Variants in HMBOX1 observed in about 807,000 individuals in gnomAD.
HMBOX1 encodes homeobox containing 1, also known as homeobox-containing protein 1.
In HMBOX1, 14 loss-of-function variants were observed where a neutral mutation model predicts 54.5. That is an observed-to-expected ratio of 0.26 (90% CI 0.17 to 0.40). HMBOX1 has a LOEUF of 0.40. Among genes scored for constraint, HMBOX1 ranks in the 10% least tolerant of loss-of-function variants. The pLI is 1.00. For synonymous variants in HMBOX1, 160 were observed against 181.0 expected (o/e 0.88, Z 0.93); for missense variants, 332 against 514.4 (o/e 0.65, Z 3.43).
At chr8:28,972,725 G>A (rs957228615) in intron 3 of HMBOX1, among the ~76,000 whole-genome samples, 1 of 152,256 alleles carries the variant, frequency 6.6e-6, no homozygotes. Flanking sequence ...GTTAGTAAAA[G>A]TCTCTAGAAG....
intron 1 of HMBOX1, among the ~76,000 whole-genome samples, chr8:28,914,191 C>A (rs1438775417): frequency 2.0e-5 from 3 of 151,902 alleles, no homozygotes; most frequent in Non-Finnish European, 4.4e-5. Flanking sequence ...AAAGAGATAG[C>A]CTCCTTGTAT....
At chr8:28,922,494 T>C (rs1194150130) in intron 1 of HMBOX1, among the ~76,000 whole-genome samples, 3 of 152,220 alleles carry the variant, frequency 2.0e-5, no homozygotes, top group African/African-American at 7.2e-5. Flanking sequence ...ATCAAATCTG[T>C]GCTTTGAGAA....
intron 3 of HMBOX1, among the ~76,000 whole-genome samples, chr8:28,979,243 T>G (rs1261631125): frequency 6.6e-6 from 1 of 152,194 alleles, no homozygotes; most frequent in African/African-American, 2.4e-5. Flanking sequence ...TAACTATAAT[T>G]TTTGTTTATT....
intron 6 of HMBOX1, among the ~76,000 whole-genome samples, chr8:29,040,575 A>G (rs1804667623): frequency 6.6e-6 from 1 of 152,216 alleles, no homozygotes; most frequent in Admixed American, 6.5e-5. Flanking sequence ...AGTTGTGCTA[A>G]CAGTCCTTTG....
intron 4 of HMBOX1, among the ~76,000 whole-genome samples, chr8:29,005,413 A>G (rs1478654190): frequency 6.6e-6 from 1 of 152,210 alleles, no homozygotes; most frequent in Non-Finnish European, 1.5e-5. Context: ...TTAGTTATAT[A>G]TTAGCTGTTG....
rs1187320710 is a variant in HMBOX1 at position 28,982,937 on chromosome 8, G to GT, written c.586+2782dup. Among the ~76,000 whole-genome samples, 4 of 152,142 alleles carry GT rather than the reference G, an allele frequency of 2.6e-5. No homozygotes were observed. In the East Asian group the frequency reaches 7.7e-4, roughly 29 times the overall value. The stretch of plus-strand genomic sequence containing the variant: ...CTGTGCCCAGCCTATCTTCTACTTT[G>GT]TGTAGAGATGAGGTTTCACCATGTT... On this transcript the variant is annotated intron_variant, in intron 4 of 9. Transcript: ENST00000287701.
intron 1 of HMBOX1, among the ~76,000 whole-genome samples, chr8:28,932,936 G>A (rs937818915): frequency 3.3e-5 from 5 of 152,118 alleles, no homozygotes; most frequent in African/African-American, 1.2e-4. Context: ...TTCTTTACAT[G>A]GTGATCTCTG....
At chr8:28,978,618 C>T (rs949101816) in intron 3 of HMBOX1, among the ~76,000 whole-genome samples, 1 of 152,010 alleles carries the variant, frequency 6.6e-6, no homozygotes, top group Non-Finnish European at 1.5e-5. Flanking sequence ...GAAACCCCGA[C>T]TCTACTAAAA....
At chr8:28,913,589 T>C (rs1411391879) in intron 1 of HMBOX1, among the ~76,000 whole-genome samples, 1 of 152,182 alleles carries the variant, frequency 6.6e-6, no homozygotes, top group Non-Finnish European at 1.5e-5. Flanking sequence ...TTACAACTTA[T>C]TGTAATTATT....
intron 3 of HMBOX1, among the ~76,000 whole-genome samples, chr8:28,974,578 C>G (rs62502805): frequency 5.3e-5 from 8 of 152,036 alleles, no homozygotes; most frequent in African/African-American, 1.9e-4. Context: ...AGTTGATTAT[C>G]TATAGGCTAA....
chr8:29,042,000 T>G (rs948299620), intron 6 of HMBOX1, among the ~76,000 whole-genome samples: 1 of 152,106 alleles, frequency 6.6e-6, no homozygotes, highest in Non-Finnish European at 1.5e-5. Flanking sequence ...GAGCTATGGC[T>G]TAAAAGGAAC....
intron 4 of HMBOX1, among the ~76,000 whole-genome samples, chr8:28,989,412 T>C (rs1830649129): frequency 6.6e-6 from 1 of 152,236 alleles, no homozygotes; most frequent in African/African-American, 2.4e-5. Context: ...AGATAAGGGT[T>C]GAGGCATTTT....
chr8:28,913,309 A>C (rs548553299), intron 1 of HMBOX1, among the ~76,000 whole-genome samples: 3 of 152,322 alleles, frequency 2.0e-5, no homozygotes, highest in African/African-American at 7.2e-5. Flanking sequence ...TAACATTATT[A>C]CTACTTTTCT....
chr8:28,947,592 T>C (rs1472828261), intron 1 of HMBOX1, among the ~76,000 whole-genome samples: 2 of 152,202 alleles, frequency 1.3e-5, no homozygotes, highest in African/African-American at 2.4e-5. Flanking sequence ...AAAAATAATG[T>C]CTCAAGTAAC....
chr8:28,956,394 A>G (rs1824451035), intron 1 of HMBOX1, among the ~76,000 whole-genome samples: 1 of 151,928 alleles, frequency 6.6e-6, no homozygotes, highest in Non-Finnish European at 1.5e-5. Context: ...TGTTAAGCAT[A>G]TCTACAAGAC....
rs990065652 is a variant in HMBOX1, at chr8:29,026,857, T to A, written c.851+7944T>A. 5.3e-5 allele frequency among the ~76,000 whole-genome samples: 8 copies of A among 152,358 alleles called. No individual in the cohort carries two copies. The East Asian group carries it at 1.5e-3, about 29-fold the overall frequency. ...AAAGTCTGATGTCCCTAGATTAATA[T>A]ATGTTACAACCTTCCATTTGTTTAA... On this transcript the variant is annotated intron_variant, in intron 6 of 9. Transcript: ENST00000287701.
At chr8:29,036,042 T>C (rs1803805351) in intron 6 of HMBOX1, among the ~76,000 whole-genome samples, 1 of 152,206 alleles carries the variant, frequency 6.6e-6, no homozygotes, top group African/African-American at 2.4e-5. Context: ...GGACAAGTGA[T>C]AGCCTGTATT....
intron 1 of HMBOX1, among the ~76,000 whole-genome samples, chr8:28,948,173 A>G (rs1193494943): frequency 6.6e-6 from 1 of 152,070 alleles, no homozygotes; most frequent in African/African-American, 2.4e-5. Context: ...TCATTATCCT[A>G]CCATCCACTG....
chr8:29,024,141 G>A (rs1024983531), intron 6 of HMBOX1, among the ~76,000 whole-genome samples: 4 of 152,180 alleles, frequency 2.6e-5, no homozygotes, highest in African/African-American at 9.7e-5. Flanking sequence ...CCTCACAAAT[G>A]TGTGGCAGCA....
Sources: gnomAD v4.1 joint callset for allele counts (sites outside exome capture counted in the v4.1 genomes callset) on GRCh38, gnomAD v4.1.1 for gene constraint, MANE v1.5 for transcripts, NCBI Gene and HGNC (gene_info 2026-07-23, HGNC 2026-07-21) for gene names.